IFT52: variants seen among roughly 807,000 people sequenced by gnomAD.
The protein encoded by IFT52 is intraflagellar transport protein 52 homolog.
In IFT52, 44 loss-of-function variants were observed where a neutral mutation model predicts 54.4. That is an observed-to-expected ratio of 0.81 (90% CI 0.63 to 1.04). The LOEUF (loss-of-function observed/expected upper bound fraction) is 1.04, where lower values mean the gene tolerates loss of function less well. Ranked by LOEUF, IFT52 falls within the 50% of genes least tolerant of loss-of-function variation. The probability of loss-of-function intolerance (pLI) is 0.00; values close to 1 mark genes in which losing one functional copy is unlikely to be tolerated. For synonymous variants in IFT52, 181 were observed against 185.3 expected (o/e 0.98, Z 0.19); for missense variants, 452 against 523.6 (o/e 0.86, Z 1.33).
At chr20:43,622,945 T>C (rs1248927732) in intron 9 of IFT52, among the ~76,000 whole-genome samples, 1 of 151,956 alleles carries the variant, frequency 6.6e-6, no homozygotes, top group Non-Finnish European at 1.5e-5. Context: ...CTCTCAGCAA[T>C]GCTGGAGGGA....
At position 43,591,211 on chromosome 20, in the gene IFT52, T is replaced by G. The variant is rs543141942; in HGVS notation, c.-7+157T>G. ...CTGTGGGCGCGGACGTAGCCCGGGTTCCTGGCGCCCCGGCTGGGCGCCCAT... is the reference window on the plus strand; with the variant it reads ...CTGTGGGCGCGGACGTAGCCCGGGTGCCTGGCGCCCCGGCTGGGCGCCCAT... On this transcript the variant is annotated intron_variant, in intron 1 of 13. Transcript: ENST00000373030. Among the ~76,000 whole-genome samples the G allele has an allele frequency of 1.6e-4, 24 of 152,358 alleles. No homozygotes were observed. In the East Asian group the frequency reaches 4.4e-3, roughly 28 times the overall value.
chr20:43,629,458 G>A (rs1985005993), intron 10 of IFT52, among the ~76,000 whole-genome samples: 1 of 152,112 alleles, frequency 6.6e-6, no homozygotes, highest in Non-Finnish European at 1.5e-5. Flanking sequence ...ATTTTTAGTA[G>A]AGACAGGGTT....
At chr20:43,626,716 C>T (rs1984747387) in intron 10 of IFT52, among the ~76,000 whole-genome samples, 1 of 150,858 alleles carries the variant, frequency 6.6e-6, no homozygotes, top group South Asian at 2.1e-4. Flanking sequence ...TGCATCTTAC[C>T]TTTGGTGGAT....
intron 6 of IFT52, among the ~76,000 whole-genome samples, chr20:43,607,058 C>T (rs1306059108): frequency 6.6e-6 from 1 of 152,274 alleles, no homozygotes; most frequent in African/African-American, 2.4e-5. Flanking sequence ...TTCCACAAAA[C>T]CGCCATTGTC....
At chr20:43,594,619 G>A in intron 1 of IFT52, 74 bp from the exon 2 acceptor site, 1 of 795,676 alleles carries the variant, frequency 1.3e-6, no homozygotes, top group Non-Finnish European at 2.2e-6. Flanking sequence ...AGTAGTAGAA[G>A]GCAACTATTT....
chr20:43,595,836 G>A (rs1305276872), intron 2 of IFT52, among the ~76,000 whole-genome samples: 2 of 152,036 alleles, frequency 1.3e-5, no homozygotes, highest in Non-Finnish European at 2.9e-5. Flanking sequence ...GCAGTGAGCC[G>A]AGATCATGCC....
intron 6 of IFT52, among the ~76,000 whole-genome samples, chr20:43,608,374 G>A (rs1983145803): frequency 1.3e-5 from 2 of 151,944 alleles, no homozygotes; most frequent in Admixed American, 6.6e-5. Context: ...AGTAAACATC[G>A]TATCTCTTTC....
At chr20:43,633,360 A>C (rs1985306333) in intron 10 of IFT52, among the ~76,000 whole-genome samples, 1 of 151,734 alleles carries the variant, frequency 6.6e-6, no homozygotes, top group African/African-American at 2.4e-5. Flanking sequence ...AAAAGGTCAA[A>C]ATTATTTATC....
intron 9 of IFT52, among the ~76,000 whole-genome samples, chr20:43,621,516 G>A (rs1568764971): frequency 6.6e-6 from 1 of 152,158 alleles, no homozygotes; most frequent in Non-Finnish European, 1.5e-5. Context: ...AGGCTGTAGT[G>A]TAGTGGCACA....
chr20:43,630,572 G>A (rs1173698060), intron 10 of IFT52, among the ~76,000 whole-genome samples: 1 of 152,178 alleles, frequency 6.6e-6, no homozygotes, highest in East Asian at 1.9e-4. Flanking sequence ...ACTACAGGGT[G>A]TTGCTCTGAA....
intron 6 of IFT52, 164 bp downstream of exon 6, chr20:43,605,237 CT>C (rs1401531937): frequency 2.1e-6 from 3 of 1,413,322 alleles, no homozygotes; most frequent in Non-Finnish European, 2.8e-6. Flanking sequence ...GCTCCTCCCC[CT>C]GAAGGTAGTC....
intron 2 of IFT52, among the ~76,000 whole-genome samples, chr20:43,595,845 C>T (rs1981913895): frequency 2.0e-5 from 3 of 152,098 alleles, no homozygotes; most frequent in Admixed American, 2.0e-4. Context: ...CGAGATCATG[C>T]CACTGCACTC....
rs1010541571 is a variant in IFT52 at position 43,642,381 on chromosome 20, G to A, written c.1121-98G>A. ...GAAGAGGTGAGTGATCTTAGGAAATGTGGAAACATGACAGGGCATACCTGA... is the reference window on the plus strand; with the variant it reads ...GAAGAGGTGAGTGATCTTAGGAAATATGGAAACATGACAGGGCATACCTGA... On this transcript the variant is annotated intron_variant, in intron 12 of 13. Coordinates refer to ENST00000373030, the MANE Select transcript of IFT52 (RefSeq NM_016004.5). 20 of 1,100,910 alleles carry A rather than the reference G, an allele frequency of 1.8e-5. No homozygotes were observed. The African/African-American group carries it at 2.7e-4, about 15-fold the overall frequency. 68.2% of individuals were successfully genotyped at this position (1,100,910 alleles called of 1,614,324 possible). A position where few individuals can be genotyped will look rare whatever the true frequency, so the allele number is the denominator to read the frequency against.
At chr20:43,622,795 T>A (rs1356164243) in intron 9 of IFT52, among the ~76,000 whole-genome samples, 1 of 146,936 alleles carries the variant, frequency 6.8e-6, no homozygotes, top group African/African-American at 2.5e-5. Flanking sequence ...TATATACATA[T>A]TTTTATATGT....
intron 10 of IFT52, among the ~76,000 whole-genome samples, chr20:43,627,160 C>T (rs1465549450): frequency 6.6e-6 from 1 of 151,200 alleles, no homozygotes; most frequent in Non-Finnish European, 1.5e-5. Flanking sequence ...GAGCAAGACT[C>T]CATCTCAGAA....
rs556319118 is a variant in IFT52 at position 43,632,957 on chromosome 20, A to G, written c.924-2969A>G. Among the ~76,000 whole-genome samples, 6 of 152,378 alleles carry G rather than the reference A, an allele frequency of 3.9e-5. No individual in the cohort carries two copies. In the South Asian group the frequency reaches 1.2e-3, roughly 32 times the overall value. On this transcript the variant is annotated intron_variant, in intron 10 of 13. Coordinates refer to ENST00000373030, the MANE Select transcript of IFT52 (RefSeq NM_016004.5). Reference sequence around the variant, plus strand: ...GTAATAATGTATGATACGGTAGAGAAGATTCCTGAAAGGATCATTACATTA... The same window carrying G: ...GTAATAATGTATGATACGGTAGAGAGGATTCCTGAAAGGATCATTACATTA...
intron 6 of IFT52, among the ~76,000 whole-genome samples, chr20:43,611,899 G>A (rs1983479427): frequency 6.6e-6 from 1 of 151,296 alleles, no homozygotes; most frequent in African/African-American, 2.4e-5. Flanking sequence ...GCGTGGTGGT[G>A]CACACCTGTA....
chr20:43,594,589 A>AT, intron 1 of IFT52, 104 bp from the exon 2 acceptor site: 1 of 677,396 alleles, frequency 1.5e-6, no homozygotes, highest in South Asian at 1.8e-5. Flanking sequence ...TTTCAGTTGT[A>AT]TACCCTTTCT....
chr20:43,601,573 G>A (rs1183618196), intron 3 of IFT52, among the ~76,000 whole-genome samples: 3 of 152,144 alleles, frequency 2.0e-5, no homozygotes, highest in African/African-American at 7.2e-5. Context: ...TGGCCAATAG[G>A]ACACAGTAGA....
Sources: gnomAD v4.1 joint callset for allele counts (sites outside exome capture counted in the v4.1 genomes callset) on GRCh38, gnomAD v4.1.1 for gene constraint, MANE v1.5 for transcripts, NCBI Gene and HGNC (gene_info 2026-07-23, HGNC 2026-07-21) for gene names.